FAM107A: variants seen among roughly 807,000 people sequenced by gnomAD.
The protein encoded by FAM107A is actin-associated protein FAM107A.
A neutral mutation model predicts 13.7 loss-of-function variants in FAM107A; 19 were observed. The ratio of observed to expected loss-of-function variants is 1.38; its 90% CI spans 0.97 to 2.03. The LOEUF (loss-of-function observed/expected upper bound fraction) is 2.03, where lower values mean the gene tolerates loss of function less well. Among genes scored for constraint, FAM107A ranks in the 30% most tolerant of loss-of-function variants. The pLI, the probability that FAM107A is intolerant of heterozygous loss-of-function variation, is 0.00. For synonymous variants in FAM107A, 82 were observed against 74.5 expected, an observed-to-expected ratio of 1.10 and a Z score of -0.52; for missense variants, 203 against 184.4, an observed-to-expected ratio of 1.10 and a Z score of -0.58.
intron 1 of FAM107A, among the ~76,000 whole-genome samples, chr3:58,619,848 T>A (rs569092048): frequency 6.6e-6 from 1 of 152,182 alleles, no homozygotes; most frequent in Non-Finnish European, 1.5e-5. Context: ...GGAAAGTGTG[T>A]GTAAATGTGT....
chr3:58,587,125 G>T, upstream of FAM107A: 1 of 1,371,026 alleles, frequency 7.3e-7, no homozygotes, highest in Non-Finnish European at 9.4e-7. Flanking sequence ...GAGGGGGGCA[G>T]GGGCCAGGGC....
chr3:58,590,498 A>T (rs142215550), upstream of FAM107A, among the ~76,000 whole-genome samples: 110 of 152,370 alleles, frequency 7.2e-4, no homozygotes, highest in African/African-American at 2.5e-3. Flanking sequence ...TGCTATAAAG[A>T]TACTACCTGA....
At position 58,613,621 on chromosome 3, in the gene FAM107A, G is replaced by A. The variant is rs1439641875; in HGVS notation, c.-70+13795C>T. On this transcript the variant is annotated intron_variant, in intron 1 of 3. Coordinates refer to the FAM107A transcript ENST00000465970. The surrounding 1 kb of genome is among the most constrained non-coding windows in gnomAD (Gnocchi z 4.6). ...GAACACTGTTGCCCTCTTTTTGCCT[G>A]GCTTCTTCCTTCAGGACTCTGCTTA... 6.6e-6 allele frequency among the ~76,000 whole-genome samples: 1 copy of A among 152,068 alleles called. No homozygotes were observed. Among genetic ancestry groups the A allele is most frequent in the African/African-American group, 2.4e-5 (1 of 41,424 alleles).
Position 58,567,508 on chromosome 3 carries a change from C to G in FAM107A, c.171-144G>C. The G allele has an allele frequency of 4.4e-6, 4 of 912,334 alleles. 1 individual carries two copies. In the South Asian group the frequency reaches 7.0e-5, roughly 16 times the overall value. 56.5% of individuals were successfully genotyped at this position (912,334 alleles called of 1,614,324 possible). On this transcript the variant is annotated intron_variant, in intron 2 of 3. Transcript: ENST00000360997. ...GCCTTGGAGGTGGACCCATTACTGT[C>G]CCATTTTACAGGGACAGAAACTGAG... is the stretch of plus-strand genomic sequence containing the variant.
chr3:58,587,943 A>T (rs1344700969), upstream of FAM107A, among the ~76,000 whole-genome samples: 1 of 152,190 alleles, frequency 6.6e-6, no homozygotes, highest in Non-Finnish European at 1.5e-5. Flanking sequence ...AGAGACTCAG[A>T]GGGGTGATGC....
At position 58,604,937 on chromosome 3, in the gene FAM107A, T is replaced by A. The variant is rs1462396563; in HGVS notation, c.-69-15668A>T. Among the ~76,000 whole-genome samples the A allele has an allele frequency of 1.3e-3, 202 of 152,300 alleles. 3 individuals carry two copies. Among genetic ancestry groups the A allele is most frequent in the African/African-American group, 4.6e-3 (192 of 41,568 alleles). On this transcript the variant is annotated intron_variant, in intron 1 of 3. Coordinates refer to the FAM107A transcript ENST00000465970. This position sits in a 1 kb window ranked among gnomAD's most constrained non-coding sequence, Gnocchi z 4.1. Reference sequence around the variant, plus strand: ...TTTTGTTATCTTTTTCTGATGAGTGTTAGGTTTTGTTTTAGCAGGCAGTAC... The same window carrying A: ...TTTTGTTATCTTTTTCTGATGAGTGATAGGTTTTGTTTTAGCAGGCAGTAC...
intron 1 of FAM107A, among the ~76,000 whole-genome samples, chr3:58,594,192 A>T (rs957403600): frequency 6.6e-6 from 1 of 152,200 alleles, no homozygotes. Flanking sequence ...GTCAATACTG[A>T]CAAACGTAAA....
In FAM107A at chr3:58,603,297, T is replaced by C. The variant is rs527539899; in HGVS notation, c.-69-14028A>G. Reference sequence around the variant, plus strand: ...ATAATGAGAAGGAGGACAATGATGTTCGTATACTGAACACCTACTATGTGC... The same window carrying C: ...ATAATGAGAAGGAGGACAATGATGTCCGTATACTGAACACCTACTATGTGC... On this transcript the variant is annotated intron_variant, in intron 1 of 3. Coordinates refer to the FAM107A transcript ENST00000465970. Among the ~76,000 whole-genome samples, 6 of 152,276 alleles carry C rather than the reference T, an allele frequency of 3.9e-5. No individual in the cohort carries two copies. The East Asian group carries it at 9.6e-4, about 24-fold the overall frequency.
rs1399040998 is a variant in FAM107A at position 58,577,238 on chromosome 3, C to T, written c.-6+71G>A. 1 of 807,284 alleles carries T rather than the reference C, an allele frequency of 1.2e-6. No individual in the cohort carries two copies. Among genetic ancestry groups the T allele is most frequent in the Admixed American group, 6.2e-5 (1 of 16,074 alleles). 50.0% of individuals were successfully genotyped at this position (807,284 alleles called of 1,614,324 possible). On this transcript the variant is annotated intron_variant, in intron 1 of 3. Coordinates refer to ENST00000360997, the MANE Select transcript of FAM107A (RefSeq NM_001076778.3). This position sits in a 1 kb window ranked among gnomAD's most constrained non-coding sequence, Gnocchi z 4.9. ...CACTTCAGTGTACCGGGTCTGCCCT[C>T]CTTCCCTTCCACCTCCTCCCGAACG...
chr3:58,626,958 T>A (rs1270774340), intron 1 of FAM107A: 1 of 1,535,804 alleles, frequency 6.5e-7, no homozygotes, highest in East Asian at 2.4e-5. Context: ...ACAGGACACT[T>A]AGAGGTTCCT....
chr3:58,599,315 A>G (rs2065733263), intron 1 of FAM107A, among the ~76,000 whole-genome samples: 2 of 152,206 alleles, frequency 1.3e-5, no homozygotes, highest in Admixed American at 1.3e-4. Flanking sequence ...CACATGGGTG[A>G]ATATTTCTCT....
intron 1 of FAM107A, among the ~76,000 whole-genome samples, chr3:58,610,496 G>A (rs1315890276): frequency 1.3e-5 from 2 of 152,186 alleles, no homozygotes. Flanking sequence ...CTCTGCCTTG[G>A]TATAGATCTC....
intron 1 of FAM107A, among the ~76,000 whole-genome samples, chr3:58,575,821 C>T (rs3792400): frequency 0.43 from 65,311 of 152,038 alleles, 14,880 homozygotes; most frequent in Non-Finnish European, 0.52. Context: ...CTAGAGTCCA[C>T]GGGCCTGTCT....
At chr3:58,627,196 T>C (rs2066027386) in intron 1 of FAM107A, 2 of 591,090 alleles carry the variant, frequency 3.4e-6, no homozygotes, top group Non-Finnish European at 6.0e-6. Context: ...CTTAGGGCGA[T>C]TGATCCTGAC....
chr3:58,607,245 G>C (rs184648421), intron 1 of FAM107A: 1 of 152,354 alleles, frequency 6.6e-6, no homozygotes, highest in Non-Finnish European at 1.5e-5. Flanking sequence ...GTTCCATGAG[G>C]CTCCATTTCC....
At position 58,569,710 on chromosome 3, in the gene FAM107A, G is replaced by C. The variant is rs1438956201; in HGVS notation, c.151C>G (p.Leu51Val). The C allele has an allele frequency of 1.2e-6, 2 of 1,613,750 alleles. No homozygotes were observed. The highest frequency in any genetic ancestry group is 1.7e-6 in the Non-Finnish European group (2 of 1,179,876). Residue 51 changes from leucine (L) to valine (V), a missense_variant, in exon 2 of 4, where the codon CTG becomes GTG. Coordinates refer to ENST00000360997, the MANE Select transcript of FAM107A (RefSeq NM_001076778.3). The surrounding 1 kb of genome is among the most constrained non-coding windows in gnomAD (Gnocchi z 5.7). ...CCCTACCTTCTGTGGTTCATGAGCAGCTCCCGGTGGAGCTCCTGGTGACTC... is the reference window on the plus strand; with the variant it reads ...CCCTACCTTCTGTGGTTCATGAGCACCTCCCGGTGGAGCTCCTGGTGACTC... The part of the protein sequence containing the change: ...SRSHQELHRE[L>V]LMNHRRGLGV...
intron 1 of FAM107A, among the ~76,000 whole-genome samples, chr3:58,575,065 G>A (rs1469062880): frequency 2.0e-5 from 3 of 152,214 alleles, no homozygotes; most frequent in African/African-American, 7.2e-5. Context: ...GGCTGTCTAA[G>A]GCCTCAGTGT....
At position 58,566,629 on chromosome 3, in the gene FAM107A, G is replaced by C; in HGVS notation, c.394C>G (p.Arg132Gly). 6.2e-7 allele frequency: 1 copy of C among 1,613,938 alleles called. No homozygotes were observed. Among genetic ancestry groups the C allele is most frequent in the South Asian group, 1.1e-5 (1 of 91,076 alleles). Residue 132 changes from arginine (R) to glycine (G), a missense_variant, in exon 4 of 4, where the codon CGG becomes GGG. Transcript: ENST00000360997. Reference sequence around the variant, plus strand: ...TCGCTGGTCAGTGTGGCAATTCTCCGCAGGTTTTCCCTGACTTTAATAAAC... The same window carrying C: ...TCGCTGGTCAGTGTGGCAATTCTCCCCAGGTTTTCCCTGACTTTAATAAAC... ...PEFIKVRENL[R>G]RIATLTSEER...
At chr3:58,587,210 G>C (rs970933680), upstream of FAM107A, 16 of 878,836 alleles carry the variant, frequency 1.8e-5, no homozygotes, top group Non-Finnish European at 2.5e-5. Context: ...CGAGGTTCCA[G>C]GGCCAAGGCG....
Sources: allele counts gnomAD v4.1 joint callset (sites outside exome capture counted in the v4.1 genomes callset), GRCh38; gene constraint gnomAD v4.1.1; non-coding constraint Gnocchi (gnomAD v3.1); transcripts MANE v1.5; gene names NCBI Gene and HGNC (gene_info 2026-07-23, HGNC 2026-07-21).